The following CPLX2 variants were observed in gnomAD, a reference collection of about 807,000 sequenced individuals.
CPLX2 encodes the protein complexin 2.
In CPLX2, 5 loss-of-function variants were observed where a neutral mutation model predicts 16.3. That is an observed-to-expected ratio of 0.31 (90% CI 0.16 to 0.64). The LOEUF is 0.64. CPLX2 is among the 30% of genes least tolerant of loss of function. The pLI, the probability that CPLX2 is intolerant of heterozygous loss-of-function variation, is 0.79. For missense variants in CPLX2, 144 were observed against 181.4 expected (o/e 0.79, Z 1.18); for synonymous variants, 89 against 73.2 (o/e 1.22, Z -1.10).
intron 2 of CPLX2, among the ~76,000 whole-genome samples, chr5:175,838,760 C>T (rs533545095): frequency 4.5e-4 from 68 of 152,324 alleles, no homozygotes; most frequent in African/African-American, 1.6e-3. Context: ...CAGGGGTCTC[C>T]AGGCCCCCCA....
At chr5:175,842,527 C>T (rs530167425) in intron 2 of CPLX2, among the ~76,000 whole-genome samples, 8 of 152,346 alleles carry the variant, frequency 5.3e-5, no homozygotes, top group Non-Finnish European at 7.4e-5. Flanking sequence ...CCTTCCTCCT[C>T]GAGTTCACTG....
chr5:175,858,428 C>T (rs541573082), intron 2 of CPLX2, among the ~76,000 whole-genome samples: 10 of 152,332 alleles, frequency 6.6e-5, no homozygotes, highest in Admixed American at 1.3e-4. Flanking sequence ...CCACGAAGAC[C>T]CTGGCAGGGA....
At chr5:175,851,205 G>A (rs1278239972) in intron 2 of CPLX2, among the ~76,000 whole-genome samples, 1 of 152,056 alleles carries the variant, frequency 6.6e-6, no homozygotes, top group African/African-American at 2.4e-5. Context: ...TTGAAAGGTG[G>A]CCCCCTTTGG....
chr5:175,832,341 T>C (rs1446553554), intron 2 of CPLX2, among the ~76,000 whole-genome samples: 2 of 152,160 alleles, frequency 1.3e-5, no homozygotes, highest in African/African-American at 4.8e-5. Context: ...GCCCCATTTC[T>C]GGAAAAGAAA....
rs1253220206 is a variant in CPLX2 at position 175,878,986 on chromosome 5, G to A, written c.110G>A (p.Arg37Gln). 3.7e-6 allele frequency: 6 copies of A among 1,602,850 alleles called. No homozygotes were observed. The highest frequency in any genetic ancestry group is 1.7e-5 in the Admixed American group (1 of 59,068). ...GACGCGCAGAAAAAGGAGGAGGAGC[G>A]GCAGGAGGCGCTGCGGCAGCAGGAG... ...DPDAQKKEEE[R>Q]QEALRQQEEE... The change falls in exon 3 of 4, where the codon CGG becomes CAG. Residue 37 changes from arginine to glutamine, a missense_variant. Physicochemically the swap from Arg to Gln is conservative, Grantham distance 43. Coordinates refer to ENST00000393745, the MANE Select transcript of CPLX2 (RefSeq NM_001008220.2).
intron 2 of CPLX2, among the ~76,000 whole-genome samples, chr5:175,838,363 G>C (rs1758875352): frequency 6.6e-6 from 1 of 150,718 alleles, no homozygotes; most frequent in African/African-American, 2.5e-5. Flanking sequence ...CACCTCCTGG[G>C]TTCACGCCAT....
Position 175,880,376 on chromosome 5 carries a change from T to G in CPLX2, c.*331T>G. ...TGCTCCCCACTGCCAGGAGGACCAC[T>G]GTCCCCAGCCAGCCAAAGTAATGAC... On this transcript the variant is annotated 3_prime_UTR_variant, in exon 4 of 4. Transcript: ENST00000393745. 1 of 397,766 alleles carries G rather than the reference T, an allele frequency of 2.5e-6. No homozygotes were observed. Among genetic ancestry groups the G allele is most frequent in the East Asian group, 6.1e-5 (1 of 16,472 alleles). The allele number at this position is 397,766 out of a possible 1,614,324, so 24.6% of individuals were successfully genotyped here.
At chr5:175,804,168 G>A (rs1758153611) in intron 1 of CPLX2, among the ~76,000 whole-genome samples, 2 of 152,236 alleles carry the variant, frequency 1.3e-5, no homozygotes, top group African/African-American at 4.8e-5. Context: ...AGGGATTAGG[G>A]TGAGGAAGGT....
At chr5:175,820,652 C>T (rs916183341) in intron 2 of CPLX2, among the ~76,000 whole-genome samples, 1 of 152,112 alleles carries the variant, frequency 6.6e-6, no homozygotes, top group Non-Finnish European at 1.5e-5. Context: ...TCCAAGCAGC[C>T]CCCCGCCCCC....
chr5:175,867,925 G>A (rs149750828), upstream of CPLX2, among the ~76,000 whole-genome samples: 276 of 152,352 alleles, frequency 1.8e-3, 1 homozygote, highest in African/African-American at 6.2e-3. Flanking sequence ...AGTGACAAGA[G>A]GGAAGGCACT....
intron 2 of CPLX2, among the ~76,000 whole-genome samples, chr5:175,859,626 G>T (rs546821957): frequency 2.0e-3 from 298 of 152,364 alleles, no homozygotes; most frequent in Non-Finnish European, 3.1e-3. Context: ...TTGCAGAGCT[G>T]TTGGCCAAAA....
At chr5:175,818,650 C>CT (rs70988300) in intron 2 of CPLX2, among the ~76,000 whole-genome samples, 982 of 50,854 alleles carry the variant, frequency 0.019, 322 homozygotes, top group Non-Finnish European at 0.023. Context: ...CTGTCCCAAC[C>CT]TTTTTTTTTT....
At chr5:175,802,454 C>T (rs976359732) in intron 1 of CPLX2, among the ~76,000 whole-genome samples, 3 of 152,236 alleles carry the variant, frequency 2.0e-5, no homozygotes, top group Admixed American at 6.5e-5. Context: ...AATGTATCTC[C>T]ACGTTTGCAA....
Position 175,846,417 on chromosome 5 carries a change from C to CA in CPLX2, c.-88-32233dup, listed in dbSNP as rs1211470372. Among the ~76,000 whole-genome samples the CA allele has an allele frequency of 2.0e-5, 3 of 152,142 alleles. No individual in the cohort carries two copies. The East Asian group carries it at 5.8e-4, about 29-fold the overall frequency. On this transcript the variant is annotated intron_variant, in intron 2 of 4. Coordinates refer to the CPLX2 transcript ENST00000359546. The stretch of plus-strand genomic sequence containing the variant: ...CAGGTCACTTCCATCCCCTGAGGCT[C>CA]AATTTCCTCATCTGTAAAATGAAAA...
At chr5:175,842,144 G>A (rs1219287810) in intron 2 of CPLX2, among the ~76,000 whole-genome samples, 1 of 152,218 alleles carries the variant, frequency 6.6e-6, no homozygotes, top group Non-Finnish European at 1.5e-5. Flanking sequence ...GAGCCCAGAG[G>A]AGGAGACAGC....
chr5:175,812,927 T>C (rs1758339387), intron 2 of CPLX2, among the ~76,000 whole-genome samples: 1 of 152,240 alleles, frequency 6.6e-6, no homozygotes, highest in Middle Eastern at 3.2e-3. Context: ...GTACTGGCAT[T>C]GAAAGAGCCT....
chr5:175,832,125 G>A (rs1445059025), intron 2 of CPLX2, among the ~76,000 whole-genome samples: 1 of 152,168 alleles, frequency 6.6e-6, no homozygotes, highest in African/African-American at 2.4e-5. Flanking sequence ...TCCTGGCCCT[G>A]AAAGTGGTAC....
At chr5:175,879,823 G>C in intron 3 of CPLX2, 25 bp from the exon 4 acceptor site, 1 of 1,597,352 alleles carries the variant, frequency 6.3e-7, no homozygotes, top group Non-Finnish European at 8.5e-7. Context: ...CGCTTCATGC[G>C]CGTCTCTGCC....
At chr5:175,826,820 G>C (rs1474028535) in intron 2 of CPLX2, among the ~76,000 whole-genome samples, 1 of 152,212 alleles carries the variant, frequency 6.6e-6, no homozygotes, top group African/African-American at 2.4e-5. Context: ...GTATTCTTGA[G>C]CTGGTCAACA....
Sources: gnomAD v4.1 joint callset for allele counts (sites outside exome capture counted in the v4.1 genomes callset) on GRCh38, gnomAD v4.1.1 for gene constraint, MANE v1.5 for transcripts, NCBI Gene and HGNC (gene_info 2026-07-23, HGNC 2026-07-21) for gene names.